The following CNTN4 variants were observed in gnomAD, a reference collection of about 807,000 sequenced individuals.
CNTN4 encodes contactin 4.
Under a neutral mutation model 122.5 loss-of-function variants are expected in CNTN4, and 77 were observed. The observed-to-expected ratio is 0.63, with a 90% CI of 0.52 to 0.76. CNTN4 has a LOEUF of 0.76. Among genes scored for constraint, CNTN4 ranks in the 30% least tolerant of loss-of-function variants. The pLI, the probability that CNTN4 is intolerant of heterozygous loss-of-function variation, is 0.00. For synonymous variants in CNTN4, 512 were observed against 447.0 expected, an observed-to-expected ratio of 1.15 and a Z score of -1.83; for missense variants, 1,256 against 1,259.1, an observed-to-expected ratio of 1.00 and a Z score of 0.04.
At chr3:3,032,051 G>A (rs1699209470) in intron 16 of CNTN4, among the ~76,000 whole-genome samples, 1 of 152,060 alleles carries the variant, frequency 6.6e-6, no homozygotes, top group South Asian at 2.1e-4. Flanking sequence ...GTGAAGAGAG[G>A]GTTCAAGAGA....
intron 2 of CNTN4, among the ~76,000 whole-genome samples, chr3:2,287,663 A>AGAGGAAGAG (rs1559415379): frequency 4.7e-5 from 2 of 42,912 alleles, no homozygotes; most frequent in Non-Finnish European, 1.1e-4. Flanking sequence ...AAGAAGAAGA[A>AGAGGAAGAG]GAAGAAGAAG....
At chr3:2,365,181 T>C (rs1168305388) in intron 3 of CNTN4, among the ~76,000 whole-genome samples, 3 of 152,144 alleles carry the variant, frequency 2.0e-5, no homozygotes, top group African/African-American at 4.8e-5. Context: ...ATCCAGGATC[T>C]CTTTTCTTCT....
At chr3:2,884,237 C>A (rs2093944595) in intron 9 of CNTN4, among the ~76,000 whole-genome samples, 1 of 152,140 alleles carries the variant, frequency 6.6e-6, no homozygotes, top group Non-Finnish European at 1.5e-5. Context: ...CTGAGCCAGG[C>A]AACACTAACT....
chr3:2,998,356 G>A (rs1036383676), intron 14 of CNTN4, among the ~76,000 whole-genome samples: 1 of 152,140 alleles, frequency 6.6e-6, no homozygotes, highest in African/African-American at 2.4e-5. Flanking sequence ...TCAGAATCAC[G>A]TAGGAGTTTT....
At chr3:2,932,055 G>A (rs769154337) in intron 13 of CNTN4, among the ~76,000 whole-genome samples, 14 of 151,636 alleles carry the variant, frequency 9.2e-5, no homozygotes, top group East Asian at 3.9e-4. Context: ...GTGTGTGGCC[G>A]GGGTGGGGGG....
chr3:2,601,108 G>T (rs554112485), intron 4 of CNTN4, among the ~76,000 whole-genome samples: 1 of 152,218 alleles, frequency 6.6e-6, no homozygotes, highest in South Asian at 2.1e-4. Flanking sequence ...TTAGCCCTTT[G>T]TCAGATGAGT....
intron 2 of CNTN4, among the ~76,000 whole-genome samples, chr3:2,185,941 A>T (rs964756376): frequency 1.7e-4 from 25 of 150,932 alleles, no homozygotes; most frequent in African/African-American, 2.7e-4. Flanking sequence ...TTAATTTTTT[A>T]TTATTATACT....
chr3:2,892,851 A>G (rs2094059509), intron 10 of CNTN4, among the ~76,000 whole-genome samples: 1 of 152,186 alleles, frequency 6.6e-6, no homozygotes, highest in Admixed American at 6.5e-5. Context: ...TTTGATTTTT[A>G]TAATTAAGGA....
chr3:2,485,401 C>A (rs181878847), intron 3 of CNTN4, among the ~76,000 whole-genome samples: 352 of 152,344 alleles, frequency 2.3e-3, no homozygotes, highest in African/African-American at 7.9e-3. Context: ...CTTGGAGAAC[C>A]TTTATGTCTA....
rs369875755 is a variant in CNTN4 at position 2,125,713 on chromosome 3, A to G, written c.-145+25074A>G. On this transcript the variant is annotated intron_variant, in intron 2 of 24. Transcript: ENST00000418658. Reference sequence around the variant, plus strand: ...GCTGGGACTACAGGCGCCTGCCACCATGCCCGGCAAATTTTCTGTATTTTT... The same window carrying G: ...GCTGGGACTACAGGCGCCTGCCACCGTGCCCGGCAAATTTTCTGTATTTTT... Among the ~76,000 whole-genome samples, 5 of 151,510 alleles carry G rather than the reference A, an allele frequency of 3.3e-5. No homozygotes were observed. In the East Asian group the frequency reaches 7.8e-4, roughly 24 times the overall value.
intron 3 of CNTN4, among the ~76,000 whole-genome samples, chr3:2,481,111 T>G (rs1441981652): frequency 6.6e-6 from 1 of 151,096 alleles, no homozygotes; most frequent in Non-Finnish European, 1.5e-5. Context: ...CTTTCTCTCT[T>G]TCTCTCTTTC....
chr3:2,647,199 G>T (rs1194326866), intron 4 of CNTN4, among the ~76,000 whole-genome samples: 1 of 152,024 alleles, frequency 6.6e-6, no homozygotes, highest in African/African-American at 2.4e-5. Context: ...TGGCCAACAT[G>T]GTGAGACCCC....
intron 6 of CNTN4, among the ~76,000 whole-genome samples, chr3:2,780,947 T>C (rs2091543921): frequency 2.0e-5 from 3 of 152,200 alleles, no homozygotes; most frequent in Admixed American, 1.3e-4. Context: ...TATTTTGTTC[T>C]ACATTTAAAT....
chr3:2,355,598 C>G (rs1402604001), intron 3 of CNTN4, among the ~76,000 whole-genome samples: 1 of 152,166 alleles, frequency 6.6e-6, no homozygotes, highest in Admixed American at 6.5e-5. Context: ...CAATCCCCTC[C>G]TGCGCCCTCC....
Position 2,162,821 on chromosome 3 carries a change from G to A in CNTN4, c.-145+62182G>A, listed in dbSNP as rs558568291. Among the ~76,000 whole-genome samples, 163 of 152,352 alleles carry A rather than the reference G, an allele frequency of 1.1e-3. 1 individual carries two copies. The highest frequency in any genetic ancestry group is 1.6e-3 in the Non-Finnish European group (111 of 68,028). On this transcript the variant is annotated intron_variant, in intron 2 of 24. Transcript: ENST00000418658. ...AGAAACAATAAGAAAACAGGGCTGGGTGTGGTGGCTCAGGCCTGTAGTCCC... is the reference window on the plus strand; with the variant it reads ...AGAAACAATAAGAAAACAGGGCTGGATGTGGTGGCTCAGGCCTGTAGTCCC...
At chr3:2,231,360 C>G (rs544613029) in intron 2 of CNTN4, among the ~76,000 whole-genome samples, 2 of 152,158 alleles carry the variant, frequency 1.3e-5, no homozygotes, top group Non-Finnish European at 2.9e-5. Flanking sequence ...GGAAATTTCC[C>G]TAATCCATCC....
chr3:2,662,222 T>C lies in CNTN4; in HGVS notation c.56-73993T>C, dbSNP rs1295966764. Among the ~76,000 whole-genome samples the C allele has an allele frequency of 6.6e-5, 10 of 152,340 alleles. No individual in the cohort carries two copies. In the East Asian group the frequency reaches 1.9e-3, roughly 29 times the overall value. On this transcript the variant is annotated intron_variant, in intron 4 of 24. Transcript: ENST00000418658. ...GAGCTAGAAATTAAGATATTTCCCATCACCTTGCTGTTGAAGAGTAGTACT... is the reference window on the plus strand; with the variant it reads ...GAGCTAGAAATTAAGATATTTCCCACCACCTTGCTGTTGAAGAGTAGTACT...
intron 17 of CNTN4, among the ~76,000 whole-genome samples, chr3:3,035,355 C>T (rs1382514209): frequency 1.3e-5 from 2 of 151,354 alleles, no homozygotes; most frequent in South Asian, 2.1e-4. Context: ...ATGTATTTTC[C>T]GTAACACACA....
chr3:2,113,582 C>G (rs1041770957), intron 2 of CNTN4, among the ~76,000 whole-genome samples: 1 of 152,154 alleles, frequency 6.6e-6, no homozygotes, highest in Admixed American at 6.6e-5. Flanking sequence ...GCCTAAATGT[C>G]AAGCATATAC....
Sources: allele counts gnomAD v4.1 joint callset (sites outside exome capture counted in the v4.1 genomes callset), GRCh38; gene constraint gnomAD v4.1.1; transcripts MANE v1.5; gene names NCBI Gene and HGNC (gene_info 2026-07-23, HGNC 2026-07-21).